The following TMC5 variants were observed in gnomAD, a reference collection of about 807,000 sequenced individuals.
TMC5 encodes the protein transmembrane channel like 5, also known as transmembrane channel-like protein 5.
A neutral mutation model predicts 110.5 loss-of-function variants in TMC5; 86 were observed. That is an observed-to-expected ratio of 0.78 (90% CI 0.65 to 0.93). The LOEUF is 0.93. Among genes scored for constraint, TMC5 ranks in the 40% least tolerant of loss-of-function variants. The pLI is 0.00. For synonymous variants in TMC5, 455 were observed against 439.5 expected (o/e 1.04, Z -0.44); for missense variants, 1,144 against 1,222.8 (o/e 0.94, Z 0.96).
chr16:19,447,290 T>C (rs1238510881), intron 4 of TMC5, among the ~76,000 whole-genome samples: 3 of 151,946 alleles, frequency 2.0e-5, no homozygotes, highest in Non-Finnish European at 4.4e-5. Context: ...AAGCTGAAAG[T>C]GCTCAAAATG....
At position 19,472,181 on chromosome 16, in the gene TMC5, T is replaced by A. The variant is rs374628141; in HGVS notation, c.1876T>A (p.Ser626Thr). The A allele has an allele frequency of 6.2e-7, 1 of 1,614,196 alleles. No homozygotes were observed. Among genetic ancestry groups the A allele is most frequent in the Non-Finnish European group, 8.5e-7 (1 of 1,180,028 alleles). ...TGCCTACATGGTAGCCTGGGTTGTC[T>A]CTACAGGAGTGGCCATAGCCTGCTG... is the stretch of plus-strand genomic sequence containing the variant. ...FSAYMVAWVV[S>T]TGVAIACCAA... The change falls in exon 11 of 22, where the codon TCT becomes ACT. Residue 626 changes from serine (S) to threonine (T), a missense_variant. Coordinates refer to ENST00000542583, the MANE Select transcript of TMC5 (RefSeq NM_001261841.2).
intron 2 of TMC5, among the ~76,000 whole-genome samples, chr16:19,432,540 G>A (rs1489802559): frequency 6.6e-6 from 1 of 152,216 alleles, no homozygotes; most frequent in African/African-American, 2.4e-5. Flanking sequence ...CTAAGGGTAA[G>A]GTTCTCAGAA....
At chr16:19,419,669 C>T (rs1262938109) in intron 1 of TMC5, among the ~76,000 whole-genome samples, 3 of 151,954 alleles carry the variant, frequency 2.0e-5, no homozygotes, top group East Asian at 1.9e-4. Flanking sequence ...GCCTCGGCCT[C>T]CCAAAGTGCT....
chr16:19,497,919 G>A lies in TMC5; in HGVS notation c.2975-1G>A. 2.5e-6 allele frequency: 4 copies of A among 1,613,990 alleles called. No homozygotes were observed. The highest frequency in any genetic ancestry group is 3.4e-6 in the Non-Finnish European group (4 of 1,179,950). On this transcript the variant is annotated splice_acceptor_variant, in intron 21 of 21. Coordinates refer to ENST00000542583, the MANE Select transcript of TMC5 (RefSeq NM_001261841.2). LOFTEE classifies it high-confidence loss of function. ...ACTTCTCTTTCCTGTGTCAAACCTA[G>A]ACTTGCGATCTAGAAGATCAGTTCA...
rs1187289697 is a variant in TMC5 at position 19,466,196 on chromosome 16, G to A, written c.1600G>A (p.Ala534Thr). 2 of 1,614,016 alleles carry A rather than the reference G, an allele frequency of 1.2e-6. No individual in the cohort carries two copies. The highest frequency in any genetic ancestry group is 1.3e-5 in the African/African-American group (1 of 74,904). The change falls in exon 9 of 22, where the codon GCA becomes ACA. Residue 534 changes from alanine (A) to threonine (T), a missense_variant. Coordinates refer to ENST00000542583, the MANE Select transcript of TMC5 (RefSeq NM_001261841.2). ...GCTGGCCTACATCTTCACAATCGGA[G>A]CATGCTTGACCACCTGCTTCTTCAG... Reference protein sequence around the residue: ...MQLAYIFTIGACLTTCFFSLL... With the variant: ...MQLAYIFTIGTCLTTCFFSLL...
Position 19,446,865 on chromosome 16 carries a change from C to A in TMC5, c.958+2615C>A, listed in dbSNP as rs77422556. Among the ~76,000 whole-genome samples, 349 of 152,266 alleles carry A rather than the reference C, an allele frequency of 2.3e-3. 2 individuals carry two copies. Among genetic ancestry groups the A allele is most frequent in the Non-Finnish European group, 3.9e-3 (266 of 68,010 alleles). ...GTAGGGCAAAGTTTGCAGCCCTTGG[C>A]AATCACTTGTCCAGTGTCACCCCAT... On this transcript the variant is annotated intron_variant, in intron 4 of 21. Transcript: ENST00000542583.
At chr16:19,415,894 A>T (rs550725438), upstream of TMC5, among the ~76,000 whole-genome samples, 2 of 152,282 alleles carry the variant, frequency 1.3e-5, no homozygotes, top group Admixed American at 6.5e-5. Context: ...TACATCAAAG[A>T]TTGGGGCTGG....
chr16:19,467,341 C>T (rs766688425), intron 9 of TMC5, among the ~76,000 whole-genome samples: 9 of 152,110 alleles, frequency 5.9e-5, no homozygotes, highest in East Asian at 3.8e-4. Flanking sequence ...GGCTTGTAGA[C>T]GGCCACTGTC....
chr16:19,487,914 C>T (rs111408570), intron 17 of TMC5: 2,147 of 152,348 alleles, frequency 0.014, 53 homozygotes, highest in African/African-American at 0.048. Flanking sequence ...TGAGGGGAAA[C>T]GGGCTAGAGG....
intron 21 of TMC5, 101 bp from the exon 22 acceptor site, chr16:19,497,819 G>T: frequency 9.9e-7 from 1 of 1,005,196 alleles, no homozygotes; most frequent in Admixed American, 2.2e-5. Flanking sequence ...GGCAAAGAAG[G>T]CATGAGAAGC....
intron 20 of TMC5, 54 bp from the exon 21 acceptor site, chr16:19,497,067 C>A (rs2151440765): frequency 1.2e-6 from 2 of 1,600,464 alleles, no homozygotes; most frequent in Non-Finnish European, 1.7e-6. Context: ...GTGACAAGAC[C>A]CAGAATCTGC....
At chr16:19,432,598 T>C (rs944656824) in intron 2 of TMC5, among the ~76,000 whole-genome samples, 1 of 152,248 alleles carries the variant, frequency 6.6e-6, no homozygotes, top group Non-Finnish European at 1.5e-5. Flanking sequence ...TATTTCCTTA[T>C]GGCCATTTCC....
At chr16:19,459,697 G>A (rs1034197381) in intron 5 of TMC5, among the ~76,000 whole-genome samples, 14 of 151,996 alleles carry the variant, frequency 9.2e-5, no homozygotes, top group Admixed American at 2.0e-4. Context: ...TGGGAGGATC[G>A]CTTGAGCCCA....
chr16:19,483,850 C>G (rs1412860067), intron 15 of TMC5, among the ~76,000 whole-genome samples: 1 of 151,512 alleles, frequency 6.6e-6, no homozygotes, highest in African/African-American at 2.4e-5. Context: ...CTTTAGGAGG[C>G]CGGATCACCT....
At chr16:19,471,173 C>T (rs1460020220) in intron 10 of TMC5, among the ~76,000 whole-genome samples, 1 of 152,028 alleles carries the variant, frequency 6.6e-6, no homozygotes, top group East Asian at 1.9e-4. Context: ...ACTGCAGTGT[C>T]GACCTCCTGG....
Position 19,444,351 on chromosome 16 carries a change from G to A in TMC5, c.958+101G>A, listed in dbSNP as rs958050535. ...GAGACTTGGCAATAGGAGAATTGGT[G>A]TATCCTTCCAATCTCAGAGACCCTT... On this transcript the variant is annotated intron_variant, in intron 4 of 21. Transcript: ENST00000542583. 1.3e-5 allele frequency: 14 copies of A among 1,061,078 alleles called. No individual in the cohort carries two copies. The African/African-American group carries it at 2.1e-4, about 16-fold the overall frequency. The allele number at this position is 1,061,078 out of a possible 1,614,324, so 65.7% of individuals were successfully genotyped here.
intron 10 of TMC5, 32 bp downstream of exon 10, chr16:19,469,857 C>A (rs536182523): frequency 1.2e-6 from 2 of 1,610,436 alleles, no homozygotes; most frequent in South Asian, 1.1e-5. Context: ...CATTTGCCAT[C>A]GGCTGGTCTC....
intron 2 of TMC5, among the ~76,000 whole-genome samples, chr16:19,432,756 C>T (rs1214291613): frequency 6.6e-6 from 1 of 152,204 alleles, no homozygotes; most frequent in Non-Finnish European, 1.5e-5. Flanking sequence ...GGCAATGGAA[C>T]AGAGAACTGT....
At chr16:19,485,391 A>G (rs888134571) in intron 15 of TMC5, among the ~76,000 whole-genome samples, 17 of 152,208 alleles carry the variant, frequency 1.1e-4, no homozygotes, top group Admixed American at 8.5e-4. Flanking sequence ...TTTTCCCAAC[A>G]TCGGCAATCT....
Sources: allele counts gnomAD v4.1 joint callset (sites outside exome capture counted in the v4.1 genomes callset), GRCh38; gene constraint gnomAD v4.1.1; transcripts MANE v1.5; gene names NCBI Gene and HGNC (gene_info 2026-07-23, HGNC 2026-07-21).